Variants in MYL9 observed in about 807,000 individuals in gnomAD.
MYL9 encodes myosin light chain 9.
A neutral mutation model predicts 12.8 loss-of-function variants in MYL9; 7 were observed. That is an observed-to-expected ratio of 0.55 (90% CI 0.31 to 1.03). The LOEUF is 1.03. MYL9 is among the 50% of genes least tolerant of loss of function. The pLI is 0.05. For synonymous variants in MYL9, 81 were observed against 87.8 expected, an observed-to-expected ratio of 0.92 and a Z score of 0.43; for missense variants, 190 against 242.7, an observed-to-expected ratio of 0.78 and a Z score of 1.44.
chr20:36,550,349 C>A lies in MYL9; in HGVS notation c.*1100C>A, dbSNP rs6026948. 1 of 152,304 alleles carries A rather than the reference C, an allele frequency of 6.6e-6. No homozygotes were observed. The highest frequency in any genetic ancestry group is 1.5e-5 in the Non-Finnish European group (1 of 68,172). The allele number at this position is 152,304 out of a possible 1,614,324, so 9.4% of individuals were successfully genotyped here. ...CCACAGCTTTCCATGTCCCTGTGTA[C>A]GCAGGGCAGGCAGGGCCGGGACCCC... On this transcript the variant is annotated 3_prime_UTR_variant, in exon 4 of 4. Transcript: ENST00000279022.
At chr20:36,543,806 G>A (rs1387225470) in intron 1 of MYL9, among the ~76,000 whole-genome samples, 1 of 152,078 alleles carries the variant, frequency 6.6e-6, no homozygotes, top group Non-Finnish European at 1.5e-5. Context: ...AGAGGGGGGC[G>A]GTCTCAAGAA....
rs562412263 is a variant in MYL9 at position 36,549,762 on chromosome 20, C to T, written c.*513C>T. ...GCCATGGGAGTGTGCTCAGGAGTCG[C>T]GGGCAGCGTGGACATCTGTCCCAGA... On this transcript the variant is annotated 3_prime_UTR_variant, in exon 4 of 4. Coordinates refer to ENST00000279022, the MANE Select transcript of MYL9 (RefSeq NM_006097.5). 1.0e-4 allele frequency: 16 copies of T among 157,842 alleles called. No homozygotes were observed. The South Asian group carries it at 2.6e-3, about 26-fold the overall frequency. The allele number at this position is 157,842 out of a possible 1,614,324, so 9.8% of individuals were successfully genotyped here.
rs754912624 is a variant in MYL9, at chr20:36,548,084, G to A, written c.237G>A (p.Gly79=). The part of the protein sequence containing the change: ...YLEGMMSEAP[G]PINFTMFLTM... ...AGGGCATGATGAGCGAGGCCCCGGG[G>A]CCCATCAACTTCACCATGTTCCTCA... The change falls in exon 3 of 4, where the codon GGG becomes GGA. Residue 79 remains glycine (G), a synonymous_variant. Transcript: ENST00000279022. 1.4e-5 allele frequency: 23 copies of A among 1,613,698 alleles called. No individual in the cohort carries two copies. The highest frequency in any genetic ancestry group is 1.7e-5 in the Non-Finnish European group (20 of 1,179,848).
rs751360262 is a variant in MYL9 at position 36,548,144 on chromosome 20, C to G, written c.297C>G (p.Pro99=). The G allele has an allele frequency of 6.2e-7, 1 of 1,613,926 alleles. No individual in the cohort carries two copies. Among genetic ancestry groups the G allele is most frequent in the Non-Finnish European group, 8.5e-7 (1 of 1,179,854 alleles). Residue 99 remains proline, a synonymous_variant, in exon 3 of 4, where the codon CCC becomes CCG. Coordinates refer to ENST00000279022, the MANE Select transcript of MYL9 (RefSeq NM_006097.5). ...MFGEKLNGTD[P]EDVIRNAFAC... ...GGGAGAAGCTGAACGGCACGGACCC[C>G]GAGGATGTGATTCGCAACGCCTTTG...
intron 1 of MYL9, 87 bp from the exon 2 acceptor site, chr20:36,544,772 C>T (rs1417781068): frequency 5.5e-5 from 63 of 1,152,162 alleles, no homozygotes; most frequent in South Asian, 2.7e-4. Context: ...AATGCCAGGC[C>T]GAAGTGCTAA....
Position 36,545,068 on chromosome 20 carries a change from G to C in MYL9, c.184G>C (p.Gly62Arg), listed in dbSNP as rs2147895759. The change falls in exon 2 of 4, where the codon GGG becomes CGG. Residue 62 changes from glycine to arginine, a missense_variant and splice_region_variant. Transcript: ENST00000279022. ...EDLHDMLASL[G>R]KNPTDEYLEG... ...CCTGCACGACATGCTGGCCTCGCTG[G>C]GTGAGCTGGGACAGGGACAGGGGTG... is the stretch of plus-strand genomic sequence containing the variant. The C allele has an allele frequency of 6.2e-7, 1 of 1,613,656 alleles. No individual in the cohort carries two copies. Among genetic ancestry groups the C allele is most frequent in the East Asian group, 2.2e-5 (1 of 44,878 alleles).
At position 36,549,287 on chromosome 20, in the gene MYL9, C is replaced by G. The variant is rs778264647; in HGVS notation, c.*38C>G. On this transcript the variant is annotated 3_prime_UTR_variant, in exon 4 of 4. Transcript: ENST00000279022. ...CCCTGACACCCCAGCCCCCGCCAGT[C>G]ACCCCTCCCCGCACACACCCGTCCA... The G allele has an allele frequency of 1.3e-6, 2 of 1,488,336 alleles. No homozygotes were observed. Among genetic ancestry groups the G allele is most frequent in the Non-Finnish European group, 1.8e-6 (2 of 1,105,360 alleles). 92.2% of individuals were successfully genotyped at this position (1,488,336 alleles called of 1,614,324 possible).
intron 2 of MYL9, among the ~76,000 whole-genome samples, chr20:36,546,629 C>G (rs971938457): frequency 6.6e-6 from 1 of 151,484 alleles, no homozygotes; most frequent in Non-Finnish European, 1.5e-5. Flanking sequence ...TTTTTTTTCC[C>G]CCCGAGACAA....
intron 1 of MYL9, among the ~76,000 whole-genome samples, chr20:36,544,164 C>T (rs2038067627): frequency 1.3e-5 from 2 of 152,156 alleles, no homozygotes; most frequent in Admixed American, 6.5e-5. Flanking sequence ...CCCCGATAAG[C>T]AGTGGGGAGT....
chr20:36,542,206 G>A (rs1031409151), intron 1 of MYL9, among the ~76,000 whole-genome samples: 3 of 152,146 alleles, frequency 2.0e-5, no homozygotes, highest in African/African-American at 4.8e-5. Flanking sequence ...GGGGCAGGAC[G>A]AGGACTAGTG....
At position 36,549,117 on chromosome 20, in the gene MYL9, C is replaced by G; in HGVS notation, c.387C>G (p.Thr129=). 6.2e-7 allele frequency: 1 copy of G among 1,613,616 alleles called. No individual in the cohort carries two copies. The highest frequency in any genetic ancestry group is 1.3e-5 in the African/African-American group (1 of 75,030). The change falls in exon 4 of 4, where the codon ACC becomes ACG. Residue 129 remains threonine (T), a synonymous_variant. Transcript: ENST00000279022. The part of the protein sequence containing the change: ...HEDHLRELLT[T]MGDRFTDEEV... ...ACCACCTCCGGGAGCTGCTCACCAC[C>G]ATGGGTGACCGCTTCACAGATGAGG...
At position 36,551,109 on chromosome 20, in the gene MYL9, GTTCACCCCACC is replaced by G. The variant is rs1265167349; in HGVS notation, c.*1869_*1879del. 5.9e-5 allele frequency: 9 copies of G among 152,766 alleles called. No homozygotes were observed. The highest frequency in any genetic ancestry group is 2.6e-4 in the Admixed American group (4 of 15,284). The allele number at this position is 152,766 out of a possible 1,614,324, so 9.5% of individuals were successfully genotyped here. A position where few individuals can be genotyped will look rare whatever the true frequency, so the allele number is the denominator to read the frequency against. On this transcript the variant is annotated 3_prime_UTR_variant, in exon 4 of 4. Coordinates refer to ENST00000279022, the MANE Select transcript of MYL9 (RefSeq NM_006097.5). ...AGCCCCAGCGTGCGATTCTGTCACA[GTTCACCCCACC>G]TTCACCCCGAGACGGAAGACGGAAG...
At chr20:36,542,710 C>A (rs569181050) in intron 1 of MYL9, among the ~76,000 whole-genome samples, 110 of 152,338 alleles carry the variant, frequency 7.2e-4, no homozygotes, top group Middle Eastern at 3.4e-3. Context: ...GCCCCTCCCC[C>A]TCTCATGGGC....
chr20:36,549,101 G>A lies in MYL9; in HGVS notation c.371G>A (p.Arg124Gln), dbSNP rs1410002030. The A allele has an allele frequency of 9.3e-6, 15 of 1,613,208 alleles. No individual in the cohort carries two copies. Among genetic ancestry groups the A allele is most frequent in the South Asian group, 2.2e-5 (2 of 91,026 alleles). The stretch of plus-strand genomic sequence containing the variant: ...GGTTTCATCCATGAGGACCACCTCC[G>A]GGAGCTGCTCACCACCATGGGTGAC... ...ASGFIHEDHL[R>Q]ELLTTMGDRF... Residue 124 changes from arginine to glutamine, a missense_variant, in exon 4 of 4, where the codon CGG (arginine) becomes CAG (glutamine). Arg to Gln is a conservative substitution (Grantham distance 43, BLOSUM62 1). Transcript: ENST00000279022.
intron 3 of MYL9, among the ~76,000 whole-genome samples, chr20:36,548,617 C>T (rs975574189): frequency 5.9e-5 from 9 of 152,196 alleles, no homozygotes; most frequent in African/African-American, 1.9e-4. Flanking sequence ...ACTACCTTCA[C>T]GGTCCCTCAC....
rs751511018 is a variant in MYL9, at chr20:36,548,081, G to A, written c.234G>A (p.Pro78=). The A allele has an allele frequency of 5.6e-6, 9 of 1,613,466 alleles. No homozygotes were observed. Among genetic ancestry groups the A allele is most frequent in the East Asian group, 2.2e-5 (1 of 44,846 alleles). The change falls in exon 3 of 4, where the codon CCG becomes CCA. Residue 78 remains proline, a synonymous_variant. Coordinates refer to ENST00000279022, the MANE Select transcript of MYL9 (RefSeq NM_006097.5). The part of the protein sequence containing the change: ...EYLEGMMSEA[P]GPINFTMFLT... ...TGGAGGGCATGATGAGCGAGGCCCC[G>A]GGGCCCATCAACTTCACCATGTTCC...
intron 2 of MYL9, 109 bp from the exon 3 acceptor site, chr20:36,547,923 C>T (rs2147898377): frequency 3.8e-6 from 5 of 1,303,358 alleles, no homozygotes; most frequent in Non-Finnish European, 5.1e-6. Flanking sequence ...CACTACCTCC[C>T]GTCTCACACG....
chr20:36,545,534 G>T (rs2038087710), intron 2 of MYL9, among the ~76,000 whole-genome samples: 1 of 150,094 alleles, frequency 6.7e-6, no homozygotes, highest in African/African-American at 2.5e-5. Flanking sequence ...GAAGCACAAA[G>T]CAGGTCCACC....
intron 1 of MYL9, among the ~76,000 whole-genome samples, chr20:36,542,593 C>T (rs1021470508): frequency 5.9e-5 from 9 of 152,154 alleles, no homozygotes; most frequent in African/African-American, 1.2e-4. Context: ...GCCACAGGCC[C>T]GCCTGAGGAC....
Sources: gnomAD v4.1 joint callset for allele counts (sites outside exome capture counted in the v4.1 genomes callset) on GRCh38, gnomAD v4.1.1 for gene constraint, MANE v1.5 for transcripts, NCBI Gene and HGNC (gene_info 2026-07-23, HGNC 2026-07-21) for gene names.